Variants in PDK2 observed in about 807,000 individuals in gnomAD.
The protein encoded by PDK2 is pyruvate dehydrogenase kinase, isozyme 2.
Under a neutral mutation model 50.4 loss-of-function variants are expected in PDK2, and 34 were observed. That is an observed-to-expected ratio of 0.68 (90% CI 0.51 to 0.90). PDK2 has a LOEUF of 0.90. Ranked by LOEUF, PDK2 falls within the 40% of genes least tolerant of loss-of-function variation. The probability of loss-of-function intolerance (pLI) is 0.00; values close to 1 mark genes in which losing one functional copy is unlikely to be tolerated. For missense variants in PDK2, 377 were observed against 544.5 expected (o/e 0.69, Z 3.06); for synonymous variants, 232 against 216.0 (o/e 1.07, Z -0.65).
In PDK2 at chr17:50,110,119, TGA is replaced by T. The variant is rs762575163; in HGVS notation, c.*26_*27del. 1 of 1,571,882 alleles carries T rather than the reference TGA, an allele frequency of 6.4e-7. No individual in the cohort carries two copies. Among genetic ancestry groups the T allele is most frequent in the Admixed American group, 1.8e-5 (1 of 57,028 alleles). ...CTAAGGGCCGCCGTGCATCTGCACC[TGA>T]GAGGACGGACTGCCGCCTCTGGGTC... is the stretch of plus-strand genomic sequence containing the variant. On this transcript the variant is annotated 3_prime_UTR_variant, in exon 11 of 11. Transcript: ENST00000503176.
Position 50,097,408 on chromosome 17 carries a change from T to C in PDK2, c.119-15T>C, listed in dbSNP as rs757469554. The C allele has an allele frequency of 2.5e-6, 4 of 1,612,912 alleles. No individual in the cohort carries two copies. In the South Asian group the frequency reaches 4.4e-5, roughly 18 times the overall value. ...AGTCTGTGGCTCTGTGGCTCACCCC[T>C]CTTTCTCCTGCCAGGATCCAGCAAT... On this transcript the variant is annotated splice_polypyrimidine_tract_variant and intron_variant, in intron 1 of 10. Transcript: ENST00000503176.
At chr17:50,097,367 A>T in intron 1 of PDK2, 56 bp from the exon 2 acceptor site, 2 of 1,590,550 alleles carry the variant, frequency 1.3e-6, no homozygotes, top group Non-Finnish European at 1.7e-6. Flanking sequence ...TGGCCGAGAC[A>T]TCCTTTGGCT....
Position 50,105,374 on chromosome 17 carries a change from T to A in PDK2, c.264T>A (p.Tyr88Ter). 6.2e-7 allele frequency: 1 copy of A among 1,609,240 alleles called. No homozygotes were observed. Among genetic ancestry groups the A allele is most frequent in the Non-Finnish European group, 8.5e-7 (1 of 1,178,122 alleles). Residue 88 changes from tyrosine (Y) to a stop codon, truncating the protein, a stop_gained, in exon 3 of 11, where the codon TAT (tyrosine) becomes TAA (stop). Coordinates refer to ENST00000503176, the MANE Select transcript of PDK2 (RefSeq NM_002611.5). LOFTEE classifies it high-confidence loss of function. The stretch of plus-strand genomic sequence containing the variant: ...GTCCCCTCCCGCCCCCACACAGGTA[T>A]GTCCAGAGCCTCCTGGACATCATGG... ...TPSVQLVQSWYVQSLLDIMEF... is the reference protein window; with the variant it reads ...TPSVQLVQSW
intron 1 of PDK2, chr17:50,095,798 A>G (rs1909906631): frequency 7.5e-7 from 1 of 1,338,594 alleles, no homozygotes; most frequent in East Asian, 3.1e-5. Context: ...GGCCTCATGA[A>G]GGGTCTTGAA....
Position 50,095,553 on chromosome 17 carries a change from G to T in PDK2, c.118G>T (p.Gly40Ter). 1 of 1,598,546 alleles carries T rather than the reference G, an allele frequency of 6.3e-7. No individual in the cohort carries two copies. Among genetic ancestry groups the T allele is most frequent in the Non-Finnish European group, 8.5e-7 (1 of 1,171,480 alleles). Residue 40 changes from glycine to a stop codon, truncating the protein, a stop_gained and splice_region_variant, in exon 1 of 11, where the codon GGA becomes TGA. Transcript: ENST00000503176. LOFTEE classifies it high-confidence loss of function. ...GTCCATGAAGCAGTTTCTGGACTTCGGTACGGAGTGGGCGGGAGGCGGCTG... is the reference window on the plus strand; with the variant it reads ...GTCCATGAAGCAGTTTCTGGACTTCTGTACGGAGTGGGCGGGAGGCGGCTG... Reference protein sequence around the residue: ...PLSMKQFLDFGSSNACEKTSF... With the variant: ...PLSMKQFLDF
In PDK2 at chr17:50,097,554, G is replaced by A; in HGVS notation, c.250G>A (p.Val84Met). Reference protein sequence around the residue: ...RVLSTPSVQLVQSWYVQSLLD... With the variant: ...RVLSTPSVQLMQSWYVQSLLD... ...GCTGAGCACACCCTCCGTGCAGCTG[G>A]TGCAGAGCTGGTGAGACCCCTGGCT... The change falls in exon 2 of 11, where the codon GTG becomes ATG. Residue 84 changes from valine (V) to methionine (M), a missense_variant. Physicochemically the swap from Val to Met is conservative, Grantham distance 21. This residue lies in a region of PDK2 where 100 missense variants were observed against 115.5 expected (regional missense o/e 0.87). Coordinates refer to ENST00000503176, the MANE Select transcript of PDK2 (RefSeq NM_002611.5). The A allele has an allele frequency of 1.2e-6, 2 of 1,613,124 alleles. No homozygotes were observed. Among genetic ancestry groups the A allele is most frequent in the Non-Finnish European group, 1.7e-6 (2 of 1,179,986 alleles).
At chr17:50,105,532 G>A (rs1910461989) in intron 3 of PDK2, 90 bp downstream of exon 3, 2 of 1,056,828 alleles carry the variant, frequency 1.9e-6, no homozygotes, top group Admixed American at 2.3e-5. Flanking sequence ...ACAGCAGGAT[G>A]GAAGAAAAGA....
Position 50,109,409 on chromosome 17 carries a change from C to G in PDK2, c.1083+9C>G. The stretch of plus-strand genomic sequence containing the variant: ...CTGTCATCTATCTCAAGGTGAGGGC[C>G]CTTCCCGCAGAGCCCAGCTGGAGAA... On this transcript the variant is annotated intron_variant, in intron 10 of 10. Transcript: ENST00000503176. This position sits in a 1 kb window ranked among gnomAD's most constrained non-coding sequence, Gnocchi z 5.0. 1 of 1,571,788 alleles carries G rather than the reference C, an allele frequency of 6.4e-7. No homozygotes were observed. Among genetic ancestry groups the G allele is most frequent in the Non-Finnish European group, 8.7e-7 (1 of 1,144,330 alleles).
At chr17:50,102,132 C>G (rs1910265312) in intron 2 of PDK2, among the ~76,000 whole-genome samples, 1 of 152,220 alleles carries the variant, frequency 6.6e-6, no homozygotes, top group African/African-American at 2.4e-5. Flanking sequence ...AGAACCGGCC[C>G]AAGGTTGACA....
At chr17:50,097,641 C>T in intron 2 of PDK2, 77 bp downstream of exon 2, 1 of 1,546,826 alleles carries the variant, frequency 6.5e-7, no homozygotes, top group Non-Finnish European at 8.8e-7. Flanking sequence ...CATCTCCAAG[C>T]TTTTAGCAGC....
intron 3 of PDK2, 35 bp downstream of exon 3, chr17:50,105,477 G>T: frequency 6.3e-7 from 1 of 1,586,420 alleles, no homozygotes; most frequent in African/African-American, 1.3e-5. Context: ...AGGAAGGCAG[G>T]TGTTGGCCAG....
chr17:50,095,734 GC>G, intron 1 of PDK2, 181 bp downstream of exon 1: 1 of 1,422,970 alleles, frequency 7.0e-7, no homozygotes, highest in Non-Finnish European at 9.2e-7. Flanking sequence ...TCTCGACGGG[GC>G]TGCTGATGGG....
At chr17:50,104,135 G>GA (rs1261421755) in intron 2 of PDK2, among the ~76,000 whole-genome samples, 1 of 152,150 alleles carries the variant, frequency 6.6e-6, no homozygotes, top group Non-Finnish European at 1.5e-5. Flanking sequence ...TGTTAGCAGG[G>GA]AAACAGGTCA....
At chr17:50,105,582 G>A (rs1482060466) in intron 3 of PDK2, 140 bp downstream of exon 3, 1 of 745,902 alleles carries the variant, frequency 1.3e-6, no homozygotes, top group East Asian at 2.7e-5. Context: ...TGGGGAGACA[G>A]ACTCTGCTTC....
chr17:50,095,891 T>A (rs1909912044), intron 1 of PDK2: 1 of 761,326 alleles, frequency 1.3e-6, no homozygotes, highest in Admixed American at 5.5e-5. Flanking sequence ...ATGGGAGTTG[T>A]CCTCATGACT....
chr17:50,107,614 AAAGAGT>A (rs1292448248), intron 6 of PDK2, among the ~76,000 whole-genome samples: 5 of 152,222 alleles, frequency 3.3e-5, no homozygotes, highest in Admixed American at 1.3e-4. Flanking sequence ...TGAATGAATG[AAAGAGT>A]AAGCAAGACA....
rs767009276 is a variant in PDK2 at position 50,109,385 on chromosome 17, T to C, written c.1068T>C (p.Ala356=). ...LFSMEGFGTD[A]VIYLKALSTD... is the part of the protein sequence containing the mutation. Reference sequence around the variant, plus strand: ...CCATGGAAGGCTTTGGGACCGATGCTGTCATCTATCTCAAGGTGAGGGCCC... The same window carrying C: ...CCATGGAAGGCTTTGGGACCGATGCCGTCATCTATCTCAAGGTGAGGGCCC... The change falls in exon 10 of 11, where the codon GCT becomes GCC. Residue 356 remains alanine, a synonymous_variant. Coordinates refer to ENST00000503176, the MANE Select transcript of PDK2 (RefSeq NM_002611.5). This position sits in a 1 kb window ranked among gnomAD's most constrained non-coding sequence, Gnocchi z 5.0. The C allele has an allele frequency of 6.2e-7, 1 of 1,609,968 alleles. No individual in the cohort carries two copies. Among genetic ancestry groups the C allele is most frequent in the South Asian group, 1.1e-5 (1 of 90,796 alleles).
Position 50,096,166 on chromosome 17 carries a change from G to A in PDK2, c.118+613G>A, listed in dbSNP as rs149167987. On this transcript the variant is annotated intron_variant, in intron 1 of 10. Coordinates refer to ENST00000503176, the MANE Select transcript of PDK2 (RefSeq NM_002611.5). ...GACCCTAGCTGCCCCAGTGGGCAAG[G>A]ACACTTGAAGATCAAATCTGTTCCG... 8.8e-5 allele frequency: 87 copies of A among 985,574 alleles called. No homozygotes were observed. In the East Asian group the frequency reaches 7.3e-3, roughly 82 times the overall value. The allele number at this position is 985,574 out of a possible 1,614,324, so 61.1% of individuals were successfully genotyped here. A position where few individuals can be genotyped will look rare whatever the true frequency, so the allele number is the denominator to read the frequency against.
rs906855697 is a variant in PDK2, at chr17:50,109,768, T to C, written c.1084-189T>C. On this transcript the variant is annotated intron_variant, in intron 10 of 10. Coordinates refer to ENST00000503176, the MANE Select transcript of PDK2 (RefSeq NM_002611.5). This position sits in a 1 kb window ranked among gnomAD's most constrained non-coding sequence, Gnocchi z 5.0. ...CACAGCCCAGCCTCCTCCCCCTCCC[T>C]CTCCCTCCCTTAGAGGGAGCTGCTT... Among the ~76,000 whole-genome samples the C allele has an allele frequency of 6.6e-6, 1 of 152,042 alleles. No individual in the cohort carries two copies. Among genetic ancestry groups the C allele is most frequent in the Admixed American group, 6.6e-5 (1 of 15,266 alleles).
Sources: gnomAD v4.1 joint callset for allele counts (sites outside exome capture counted in the v4.1 genomes callset) on GRCh38, gnomAD v4.1.1 for gene constraint, gnomAD v4.1.1 regional missense constraint, Gnocchi (gnomAD v3.1) non-coding constraint, MANE v1.5 for transcripts, NCBI Gene and HGNC (gene_info 2026-07-23, HGNC 2026-07-21) for gene names.